WDFY2: variants seen among roughly 807,000 people sequenced by gnomAD.
WDFY2 encodes WD repeat and FYVE domain containing 2.
WDFY2 carries 36 observed loss-of-function variants against 56.4 expected under a neutral mutation model. That is an observed-to-expected ratio of 0.64 (90% CI 0.49 to 0.84). The LOEUF (loss-of-function observed/expected upper bound fraction) is 0.84. WDFY2 is among the 40% of genes least tolerant of loss of function. The probability of loss-of-function intolerance (pLI) is 0.00; values close to 1 mark genes in which losing one functional copy is unlikely to be tolerated. For synonymous variants in WDFY2, 176 were observed against 183.7 expected (o/e 0.96, Z 0.34); for missense variants, 444 against 512.2 (o/e 0.87, Z 1.29).
At chr13:51,718,008 A>G (rs1253057884) in intron 4 of WDFY2, among the ~76,000 whole-genome samples, 1 of 152,336 alleles carries the variant, frequency 6.6e-6, no homozygotes, top group East Asian at 1.9e-4. Context: ...CATTACAATG[A>G]TTAAGCTAGA....
intron 1 of WDFY2, among the ~76,000 whole-genome samples, chr13:51,647,365 C>T (rs1955281629): frequency 6.6e-6 from 1 of 152,170 alleles, no homozygotes; most frequent in African/African-American, 2.4e-5. Flanking sequence ...ATTTGTGTAT[C>T]ATGTAACTAT....
At chr13:51,727,183 A>G (rs532111073) in intron 5 of WDFY2, among the ~76,000 whole-genome samples, 50 of 152,268 alleles carry the variant, frequency 3.3e-4, no homozygotes, top group African/African-American at 1.2e-3. Flanking sequence ...TTCATCAGAC[A>G]TTTACTAAAT....
Position 51,733,512 on chromosome 13 carries a change from A to T in WDFY2, c.599-5537A>T, listed in dbSNP as rs141450721. Among the ~76,000 whole-genome samples, 1,160 of 152,316 alleles carry T rather than the reference A, an allele frequency of 7.6e-3. 13 individuals are homozygous for T. The highest frequency in any genetic ancestry group is 0.026 in the African/African-American group (1,089 of 41,556). On this transcript the variant is annotated intron_variant, in intron 6 of 11. Coordinates refer to ENST00000298125, the MANE Select transcript of WDFY2 (RefSeq NM_052950.4). ...GGCATTATTCTCAGGTTGGCGGGAA[A>T]CCAGTGATGAAGTTTAAACAGAGTA...
At chr13:51,682,933 G>A (rs1956002653) in intron 3 of WDFY2, among the ~76,000 whole-genome samples, 1 of 152,188 alleles carries the variant, frequency 6.6e-6, no homozygotes, top group Non-Finnish European at 1.5e-5. Flanking sequence ...CCCATCTTTA[G>A]TCTTTGCTGT....
At chr13:51,627,515 C>T (rs575116325) in intron 1 of WDFY2, among the ~76,000 whole-genome samples, 2 of 152,096 alleles carry the variant, frequency 1.3e-5, no homozygotes, top group Middle Eastern at 6.8e-3. Flanking sequence ...ATTATGGACA[C>T]CTGCCACCAC....
chr13:51,765,645 A>T lies in WDFY2; in HGVS notation c.*5876A>T, dbSNP rs1953722790. The stretch of plus-strand genomic sequence containing the variant: ...GCATATTGCTGGCTTCCCTTGGATA[A>T]CGGAGAGCCTATCACCACATGCCTT... On this transcript the variant is annotated 3_prime_UTR_variant, in exon 12 of 12. Coordinates refer to ENST00000298125, the MANE Select transcript of WDFY2 (RefSeq NM_052950.4). The T allele has an allele frequency of 6.6e-6, 1 of 152,202 alleles. No individual in the cohort carries two copies. The highest frequency in any genetic ancestry group is 1.9e-4 in the East Asian group (1 of 5,194). The allele number at this position is 152,202 out of a possible 1,614,324, so 9.4% of individuals were successfully genotyped here. A position where few individuals can be genotyped will look rare whatever the true frequency, so the allele number is the denominator to read the frequency against.
chr13:51,727,888 A>G, intron 6 of WDFY2, 98 bp downstream of exon 6: 1 of 1,121,044 alleles, frequency 8.9e-7, no homozygotes, highest in Non-Finnish European at 1.3e-6. Flanking sequence ...GTGGCAAAGT[A>G]CAATCCATGC....
chr13:51,652,155 G>A (rs574151088), intron 1 of WDFY2, among the ~76,000 whole-genome samples: 58 of 152,292 alleles, frequency 3.8e-4, no homozygotes, highest in African/African-American at 1.4e-3. Context: ...TTACCATTAT[G>A]TAATGGCCTT....
intron 7 of WDFY2, among the ~76,000 whole-genome samples, chr13:51,741,641 T>A (rs1237220839): frequency 6.6e-6 from 1 of 152,186 alleles, no homozygotes; most frequent in Non-Finnish European, 1.5e-5. Context: ...ATTCAGTGAT[T>A]CTCGTATTTG....
At chr13:51,598,673 C>T (rs956199590) in intron 1 of WDFY2, 1 of 152,136 alleles carries the variant, frequency 6.6e-6, no homozygotes, top group Non-Finnish European at 1.5e-5. Flanking sequence ...CTTGTATTCT[C>T]TATCCAAAGA....
intron 1 of WDFY2, among the ~76,000 whole-genome samples, chr13:51,652,977 C>T (rs1955425745): frequency 6.6e-6 from 1 of 152,192 alleles, no homozygotes; most frequent in Admixed American, 6.5e-5. Flanking sequence ...GGAAGTTCTC[C>T]TGGATAATAT....
intron 3 of WDFY2, among the ~76,000 whole-genome samples, chr13:51,694,602 G>A (rs1216962944): frequency 1.3e-5 from 2 of 152,046 alleles, no homozygotes; most frequent in African/African-American, 4.8e-5. Context: ...TTTCTCTCTG[G>A]CTGCCCTTAA....
Position 51,765,081 on chromosome 13 carries a change from G to T in WDFY2, c.*5312G>T, listed in dbSNP as rs1953707248. 6.6e-6 allele frequency: 1 copy of T among 152,182 alleles called. No individual in the cohort carries two copies. The highest frequency in any genetic ancestry group is 2.4e-5 in the African/African-American group (1 of 41,424). The allele number at this position is 152,182 out of a possible 1,614,324, so 9.4% of individuals were successfully genotyped here. A position where few individuals can be genotyped will look rare whatever the true frequency, so the allele number is the denominator to read the frequency against. On this transcript the variant is annotated 3_prime_UTR_variant, in exon 12 of 12. Transcript: ENST00000298125. ...GGGGCACTTGCAACAGGAAGGCAGA[G>T]AGTTTCGTCAATTCAGGTACAGGTC...
At chr13:51,676,213 G>A (rs1293149616) in intron 3 of WDFY2, among the ~76,000 whole-genome samples, 1 of 152,174 alleles carries the variant, frequency 6.6e-6, no homozygotes. Context: ...TCCTTAGAAA[G>A]ATAAAACCAG....
intron 1 of WDFY2, among the ~76,000 whole-genome samples, chr13:51,604,390 A>G (rs1337690804): frequency 6.6e-6 from 1 of 152,110 alleles, no homozygotes; most frequent in Non-Finnish European, 1.5e-5. Context: ...GGCCATTTTC[A>G]TGGGAATCAG....
chr13:51,670,379 CTCTGCT>C (rs1955784691), intron 2 of WDFY2, among the ~76,000 whole-genome samples: 1 of 152,064 alleles, frequency 6.6e-6, no homozygotes. Flanking sequence ...TGAATCGGCT[CTCTGCT>C]TCTTTGATCT....
intron 1 of WDFY2, among the ~76,000 whole-genome samples, chr13:51,626,755 A>G (rs1954841501): frequency 6.6e-6 from 1 of 152,238 alleles, no homozygotes; most frequent in African/African-American, 2.4e-5. Flanking sequence ...GGCAGAGATT[A>G]ATTTCCATTC....
At chr13:51,664,721 C>T (rs1429205204) in intron 2 of WDFY2, among the ~76,000 whole-genome samples, 1 of 152,188 alleles carries the variant, frequency 6.6e-6, no homozygotes, top group East Asian at 1.9e-4. Flanking sequence ...TGTACACCTC[C>T]TAATTCCTAC....
chr13:51,740,663 G>A lies in WDFY2; in HGVS notation c.725+1488G>A, dbSNP rs529893442. On this transcript the variant is annotated intron_variant, in intron 7 of 11. Transcript: ENST00000298125. ...CAGGAGGTGGAGGTCGCGGTGAGCC[G>A]AGATCACACCATTGCACTCCAGCCT... Among the ~76,000 whole-genome samples, 9 of 144,052 alleles carry A rather than the reference G, an allele frequency of 6.2e-5. 1 individual carries two copies. The South Asian group carries it at 1.8e-3, about 29-fold the overall frequency. 94.5% of individuals were successfully genotyped at this position (144,052 alleles called of 152,430 possible).
Sources: allele counts gnomAD v4.1 joint callset (sites outside exome capture counted in the v4.1 genomes callset), GRCh38; gene constraint gnomAD v4.1.1; transcripts MANE v1.5; gene names NCBI Gene and HGNC (gene_info 2026-07-23, HGNC 2026-07-21).